Variants in HIVEP1 observed in about 807,000 individuals in gnomAD.
The protein encoded by HIVEP1 is HIVEP zinc finger 1.
A neutral mutation model predicts 180.0 loss-of-function variants in HIVEP1; 36 were observed. The ratio of observed to expected loss-of-function variants is 0.20; its 90% CI spans 0.15 to 0.26. The LOEUF (loss-of-function observed/expected upper bound fraction) is 0.26. HIVEP1 is among the 10% of genes least tolerant of loss of function. The probability of loss-of-function intolerance (pLI) is 1.00; values close to 1 mark genes in which losing one functional copy is unlikely to be tolerated. For synonymous variants in HIVEP1, 1,239 were observed against 1,239.0 expected (o/e 1.00, Z 0.00); for missense variants, 3,143 against 3,268.7 (o/e 0.96, Z 0.94).
intron 2 of HIVEP1, among the ~76,000 whole-genome samples, chr6:12,078,384 T>G (rs968238879): frequency 6.6e-6 from 1 of 152,012 alleles, no homozygotes; most frequent in Non-Finnish European, 1.5e-5. Context: ...TCAGAATGTG[T>G]CTTGTTCCAA....
At chr6:12,136,080 C>G (rs533095961) in intron 7 of HIVEP1, among the ~76,000 whole-genome samples, 188 bp downstream of exon 7, 1 of 152,200 alleles carries the variant, frequency 6.6e-6, no homozygotes, top group South Asian at 2.1e-4. Flanking sequence ...ATTCATCTAT[C>G]CCCCACGATG....
At chr6:12,049,530 C>A (rs943900554) in intron 2 of HIVEP1, among the ~76,000 whole-genome samples, 9 of 152,106 alleles carry the variant, frequency 5.9e-5, no homozygotes, top group Non-Finnish European at 7.3e-5. Flanking sequence ...AATGACTATA[C>A]GATATTAAAG....
chr6:12,044,744 C>T (rs1332883897), intron 2 of HIVEP1, among the ~76,000 whole-genome samples: 1 of 151,576 alleles, frequency 6.6e-6, no homozygotes, highest in Non-Finnish European at 1.5e-5. Flanking sequence ...CAGCTGAGGA[C>T]TTGCTGTCCC....
downstream of HIVEP1, among the ~76,000 whole-genome samples, chr6:12,166,679 T>C (rs558242914): frequency 4.6e-5 from 7 of 152,224 alleles, no homozygotes; most frequent in Non-Finnish European, 8.8e-5. Flanking sequence ...CAAGGAGCAG[T>C]GTCCACTTGA....
At chr6:12,130,469 T>C (rs992933839) in intron 5 of HIVEP1, among the ~76,000 whole-genome samples, 1 of 151,896 alleles carries the variant, frequency 6.6e-6, no homozygotes, top group Non-Finnish European at 1.5e-5. Flanking sequence ...GCCCGGGAGG[T>C]TGAGGCTTCA....
At chr6:12,119,655 C>A (rs1775437094) in intron 3 of HIVEP1, among the ~76,000 whole-genome samples, 1 of 152,208 alleles carries the variant, frequency 6.6e-6, no homozygotes, top group Admixed American at 6.5e-5. Context: ...GGAACATAAG[C>A]ATTCTAGAAA....
intron 2 of HIVEP1, among the ~76,000 whole-genome samples, chr6:12,051,014 A>ATATATATATATATATATATATATATATG (rs1561890272): frequency 1.4e-4 from 19 of 132,742 alleles, no homozygotes; most frequent in Admixed American, 4.4e-4. Context: ...ATATATATAT[A>ATATATATATATATATATATATATATATG]TATATATATA....
upstream of HIVEP1, among the ~76,000 whole-genome samples, chr6:12,010,452 G>A (rs777033186): frequency 6.6e-6 from 1 of 152,112 alleles, no homozygotes; most frequent in Non-Finnish European, 1.5e-5. Context: ...GAATTTTAGG[G>A]GTCAACTCCA....
intron 3 of HIVEP1, among the ~76,000 whole-genome samples, chr6:12,096,074 A>G (rs1171367476): frequency 1.3e-5 from 2 of 152,010 alleles, no homozygotes; most frequent in Non-Finnish European, 2.9e-5. Flanking sequence ...TCTGTCTCAC[A>G]ATAAGAACCT....
At chr6:12,139,815 G>C (rs1053447820) in intron 7 of HIVEP1, among the ~76,000 whole-genome samples, 5 of 152,236 alleles carry the variant, frequency 3.3e-5, no homozygotes, top group African/African-American at 1.2e-4. Context: ...GGCTTGAGTA[G>C]GTAAACAAAG....
chr6:12,083,828 TATA>T (rs1282528593), intron 2 of HIVEP1, among the ~76,000 whole-genome samples: 1 of 152,138 alleles, frequency 6.6e-6, no homozygotes, highest in Non-Finnish European at 1.5e-5. Context: ...TGTGAAAAAT[TATA>T]ATATGTTGCT....
intron 2 of HIVEP1, among the ~76,000 whole-genome samples, chr6:12,029,971 A>G (rs1768832439): frequency 6.6e-6 from 1 of 152,172 alleles, no homozygotes; most frequent in African/African-American, 2.4e-5. Flanking sequence ...GCATTTCTTG[A>G]AAGTCAGGTC....
At chr6:12,065,750 G>C (rs1452497578) in intron 2 of HIVEP1, among the ~76,000 whole-genome samples, 1 of 151,650 alleles carries the variant, frequency 6.6e-6, no homozygotes, top group Admixed American at 6.6e-5. Context: ...ACTGAAAAGA[G>C]CTCTAAGTCC....
chr6:12,050,067 C>T (rs1356290127), intron 2 of HIVEP1, among the ~76,000 whole-genome samples: 3 of 152,162 alleles, frequency 2.0e-5, no homozygotes, highest in African/African-American at 7.2e-5. Flanking sequence ...ATCTGATCAG[C>T]TTTGTCCATG....
At chr6:12,199,439 G>A in the HIVEP1 span, among the ~76,000 whole-genome samples, 4 of 136,102 alleles carry the variant, frequency 2.9e-5, no homozygotes, top group African/African-American at 8.4e-5. Context: ...TCGGCTTACC[G>A]CAACCTCCAC....
Position 12,123,363 on chromosome 6 carries a change from G to A in HIVEP1, c.3568G>A (p.Gly1190Arg), listed in dbSNP as rs373484085. The A allele has an allele frequency of 6.4e-5, 103 of 1,614,008 alleles. No individual in the cohort carries two copies. Among genetic ancestry groups the A allele is most frequent in the Non-Finnish European group, 8.2e-5 (97 of 1,180,020 alleles). Residue 1190 changes from glycine to arginine, a missense_variant, in exon 4 of 9, where the codon GGG becomes AGG. Around this residue, in one of 12 missense-constraint regions of HIVEP1, gnomAD observed 1,357 missense variants for 1,260.5 expected, o/e 1.08. Transcript: ENST00000379388. The part of the protein sequence containing the change: ...SQEESHPSRD[G>R]SHPHQLALSD... Reference sequence around the variant, plus strand: ...AGAGGAAAGTCACCCTTCTCGGGACGGGTCTCATCCTCACCAGCTTGCACT... The same window carrying A: ...AGAGGAAAGTCACCCTTCTCGGGACAGGTCTCATCCTCACCAGCTTGCACT...
At chr6:12,167,640 C>CATTTAT (rs1562023596), downstream of HIVEP1, among the ~76,000 whole-genome samples, 2 of 95,756 alleles carry the variant, frequency 2.1e-5, no homozygotes, top group Non-Finnish European at 3.6e-5. Context: ...GTTATATATA[C>CATTTAT]ATATACATAT....
At chr6:12,160,751 G>T (rs1173561777) in intron 7 of HIVEP1, among the ~76,000 whole-genome samples, 1 of 152,226 alleles carries the variant, frequency 6.6e-6, no homozygotes, top group Non-Finnish European at 1.5e-5. Flanking sequence ...TTAAGCTATA[G>T]AATGTGGGAT....
chr6:12,041,835 A>AT (rs1769745739), intron 2 of HIVEP1, among the ~76,000 whole-genome samples: 3 of 130,504 alleles, frequency 2.3e-5, no homozygotes, highest in South Asian at 2.7e-4. Flanking sequence ...AATTTTTTGT[A>AT]TTTTTAGTAG....
Sources: allele counts gnomAD v4.1 joint callset (sites outside exome capture counted in the v4.1 genomes callset), GRCh38; gene constraint gnomAD v4.1.1; regional missense constraint gnomAD v4.1.1; transcripts MANE v1.5; gene names NCBI Gene and HGNC (gene_info 2026-07-23, HGNC 2026-07-21).